FARS2: variants seen among roughly 807,000 people sequenced by gnomAD.
The protein encoded by FARS2 is phenylalanine--tRNA ligase, mitochondrial.
FARS2 carries 40 observed loss-of-function variants against 46.4 expected under a neutral mutation model. The observed-to-expected ratio is 0.86, with a 90% CI of 0.67 to 1.12. FARS2 has a LOEUF of 1.12. Ranked by LOEUF, FARS2 falls within the 50% of genes most tolerant of loss-of-function variation. FARS2 has a pLI of 0.00. For missense variants in FARS2, 513 were observed against 567.9 expected (o/e 0.90, Z 0.98); for synonymous variants, 234 against 214.9 (o/e 1.09, Z -0.78).
At chr6:5,362,806 T>A (rs944798015) in intron 1 of FARS2, among the ~76,000 whole-genome samples, 2 of 152,308 alleles carry the variant, frequency 1.3e-5, no homozygotes, top group Admixed American at 1.3e-4. Context: ...ATTGTGCTTT[T>A]GATTTGCATT....
intron 6 of FARS2, among the ~76,000 whole-genome samples, chr6:5,701,245 G>A (rs923311503): frequency 2.6e-5 from 4 of 152,252 alleles, no homozygotes; most frequent in Non-Finnish European, 4.4e-5. Flanking sequence ...GAGAGTTAGG[G>A]CCCCGTGTGC....
chr6:5,707,303 T>G (rs1454219628), intron 6 of FARS2, among the ~76,000 whole-genome samples: 1 of 152,210 alleles, frequency 6.6e-6, no homozygotes, highest in Non-Finnish European at 1.5e-5. Flanking sequence ...TTACATGGAT[T>G]TGAAAAACAG....
At chr6:5,563,881 G>A (rs1772161901) in intron 5 of FARS2, among the ~76,000 whole-genome samples, 1 of 152,160 alleles carries the variant, frequency 6.6e-6, no homozygotes, top group South Asian at 2.1e-4. Context: ...TCAGGGCTGA[G>A]GCCGGCATTT....
At chr6:5,680,685 C>G (rs1778988027) in intron 6 of FARS2, among the ~76,000 whole-genome samples, 1 of 151,626 alleles carries the variant, frequency 6.6e-6, no homozygotes, top group Non-Finnish European at 1.5e-5. Flanking sequence ...ATATTTCCTT[C>G]TAATTTTGTT....
chr6:5,666,899 T>G (rs1778152401), intron 6 of FARS2, among the ~76,000 whole-genome samples: 1 of 152,200 alleles, frequency 6.6e-6, no homozygotes, highest in Non-Finnish European at 1.5e-5. Flanking sequence ...TACAAAAGAA[T>G]GCGATCATGT....
chr6:5,367,794 ATTAAGT>A (rs931735854), intron 1 of FARS2, among the ~76,000 whole-genome samples: 3 of 152,174 alleles, frequency 2.0e-5, no homozygotes, highest in Non-Finnish European at 4.4e-5. Flanking sequence ...CCACAAAGGT[ATTAAGT>A]TTAAGTGACA....
intron 4 of FARS2, among the ~76,000 whole-genome samples, chr6:5,463,150 T>C (rs1036584663): frequency 6.6e-6 from 1 of 152,248 alleles, no homozygotes; most frequent in Non-Finnish European, 1.5e-5. Flanking sequence ...CAGTGTTTTA[T>C]AGTTTTTAGA....
chr6:5,435,679 T>C (rs2127777509), intron 4 of FARS2, among the ~76,000 whole-genome samples: 1 of 152,296 alleles, frequency 6.6e-6, no homozygotes, highest in East Asian at 1.9e-4. Context: ...CTCAGGCTGC[T>C]GTGTCTTTTC....
intron 6 of FARS2, among the ~76,000 whole-genome samples, chr6:5,728,922 G>T (rs1427496255): frequency 1.3e-5 from 2 of 152,152 alleles, no homozygotes; most frequent in African/African-American, 4.8e-5. Flanking sequence ...ACTGACTTTT[G>T]AAGGTGGTAG....
intron 5 of FARS2, among the ~76,000 whole-genome samples, chr6:5,597,716 T>C (rs1774278500): frequency 6.6e-6 from 1 of 152,188 alleles, no homozygotes; most frequent in Non-Finnish European, 1.5e-5. Flanking sequence ...ATTGAACTCA[T>C]TGTCTTTTTT....
chr6:5,270,910 T>C (rs1165946710), intron 1 of FARS2, among the ~76,000 whole-genome samples: 1 of 152,218 alleles, frequency 6.6e-6, no homozygotes, highest in African/African-American at 2.4e-5. Flanking sequence ...TAATTATTCT[T>C]CTGATCTCAG....
chr6:5,627,610 G>A (rs1283856941), intron 6 of FARS2, among the ~76,000 whole-genome samples: 21 of 152,180 alleles, frequency 1.4e-4, no homozygotes, highest in Admixed American at 1.4e-3. Flanking sequence ...TTGCCACATT[G>A]CCTGGTGTTT....
intron 6 of FARS2, among the ~76,000 whole-genome samples, chr6:5,621,608 A>G (rs1245832057): frequency 2.0e-5 from 3 of 152,166 alleles, no homozygotes; most frequent in Non-Finnish European, 4.4e-5. Flanking sequence ...AAAGTTTACC[A>G]AGGAAACCGA....
intron 2 of FARS2, among the ~76,000 whole-genome samples, chr6:5,381,420 CAGAT>C (rs1468179866): frequency 6.7e-6 from 1 of 149,900 alleles, no homozygotes; most frequent in Non-Finnish European, 1.5e-5. Context: ...CACACACACA[CAGAT>C]GCAGAATTTT....
chr6:5,611,723 CT>C, intron 5 of FARS2, among the ~76,000 whole-genome samples: 1 of 152,190 alleles, frequency 6.6e-6, no homozygotes, highest in Middle Eastern at 3.4e-3. Flanking sequence ...TTAATAATGT[CT>C]TGGGGCATGT....
At chr6:5,631,789 T>C (rs1043284891) in intron 6 of FARS2, among the ~76,000 whole-genome samples, 2 of 152,270 alleles carry the variant, frequency 1.3e-5, no homozygotes, top group African/African-American at 4.8e-5. Context: ...AGTTTCATGC[T>C]TCTTGCAATA....
chr6:5,749,450 T>C (rs895714044), intron 6 of FARS2, among the ~76,000 whole-genome samples: 2 of 152,180 alleles, frequency 1.3e-5, no homozygotes, highest in Admixed American at 6.5e-5. Context: ...AAGGTGCCAG[T>C]GGCAGTAGAG....
At chr6:5,499,852 T>C (rs1010568836) in intron 4 of FARS2, among the ~76,000 whole-genome samples, 1 of 152,232 alleles carries the variant, frequency 6.6e-6, no homozygotes, top group African/African-American at 2.4e-5. Flanking sequence ...CACTAACTAC[T>C]TAAACTTTGG....
intron 2 of FARS2, among the ~76,000 whole-genome samples, chr6:5,380,702 A>G (rs1376793797): frequency 6.6e-6 from 1 of 152,188 alleles, no homozygotes; most frequent in Non-Finnish European, 1.5e-5. Flanking sequence ...TATTTGACCA[A>G]GAATGCACCC....
Sources: gnomAD v4.1 joint callset for allele counts (sites outside exome capture counted in the v4.1 genomes callset) on GRCh38, gnomAD v4.1.1 for gene constraint, MANE v1.5 for transcripts, NCBI Gene and HGNC (gene_info 2026-07-23, HGNC 2026-07-21) for gene names.